NRXN1: variants seen among roughly 807,000 people sequenced by gnomAD.
NRXN1 encodes the protein neurexin 1.
Under a neutral mutation model 150.9 loss-of-function variants are expected in NRXN1, and 39 were observed. That is an observed-to-expected ratio of 0.26 (90% CI 0.20 to 0.34). NRXN1 has a LOEUF of 0.34. Ranked by LOEUF, NRXN1 falls within the 10% of genes least tolerant of loss-of-function variation. NRXN1 has a pLI of 1.00. For missense variants in NRXN1, 1,815 were observed against 1,949.9 expected (o/e 0.93, Z 1.30); for synonymous variants, 924 against 757.0 (o/e 1.22, Z -3.62).
Position 50,123,922 on chromosome 2 carries a change from A to G in NRXN1, c.3547-32428T>C, listed in dbSNP as rs373378702. 1.2e-4 allele frequency among the ~76,000 whole-genome samples: 19 copies of G among 152,266 alleles called. No individual in the cohort carries two copies. The South Asian group carries it at 3.5e-3, about 28-fold the overall frequency. On this transcript the variant is annotated intron_variant, in intron 18 of 22. Coordinates refer to ENST00000401669, the MANE Select transcript of NRXN1 (RefSeq NM_001330078.2). ...AATTTGTATAAAATCAGGTAATAAA[A>G]AGGGGATGTGAGTTTAGAATATAAA...
At chr2:49,995,699 T>C (rs1033499449) in intron 21 of NRXN1, among the ~76,000 whole-genome samples, 5 of 133,934 alleles carry the variant, frequency 3.7e-5, no homozygotes, top group Admixed American at 2.6e-4. Flanking sequence ...GAGAATGGCG[T>C]AAACCTGGGA....
chr2:50,171,352 AT>A (rs549421158), intron 18 of NRXN1, among the ~76,000 whole-genome samples: 276 of 152,190 alleles, frequency 1.8e-3, no homozygotes, highest in African/African-American at 6.5e-3. Flanking sequence ...AAATATTCAT[AT>A]TTTCTATTCT....
At chr2:50,664,905 A>G (rs899196651) in intron 5 of NRXN1, among the ~76,000 whole-genome samples, 1 of 152,040 alleles carries the variant, frequency 6.6e-6, no homozygotes, top group Non-Finnish European at 1.5e-5. Flanking sequence ...GCATAGAGAT[A>G]TTTATCCTTC....
chr2:50,361,183 C>T (rs1024992953), intron 17 of NRXN1, among the ~76,000 whole-genome samples: 3 of 151,970 alleles, frequency 2.0e-5, no homozygotes, highest in Admixed American at 6.6e-5. Flanking sequence ...AATCAACACC[C>T]TAACATCACA....
intron 5 of NRXN1, among the ~76,000 whole-genome samples, chr2:50,908,870 G>C (rs368144851): frequency 1.3e-3 from 198 of 152,128 alleles, no homozygotes; most frequent in African/African-American, 4.5e-3. Flanking sequence ...CTCTCACCAT[G>C]TGATGCCCTC....
intron 2 of NRXN1, among the ~76,000 whole-genome samples, chr2:51,001,319 T>A (rs1285010196): frequency 6.6e-6 from 1 of 151,072 alleles, no homozygotes; most frequent in African/African-American, 2.4e-5. Flanking sequence ...TAAGCAAGAG[T>A]TCAAAAGCAA....
intron 17 of NRXN1, among the ~76,000 whole-genome samples, chr2:50,262,720 C>T (rs1158964563): frequency 6.6e-6 from 1 of 151,954 alleles, no homozygotes; most frequent in East Asian, 1.9e-4. Flanking sequence ...AAAGTCAAAG[C>T]ATATTCTCTA....
chr2:50,361,508 T>C (rs1324558207), intron 17 of NRXN1, among the ~76,000 whole-genome samples: 4 of 151,868 alleles, frequency 2.6e-5, no homozygotes, highest in African/African-American at 9.7e-5. Flanking sequence ...AACTAGAAAA[T>C]CTAGAAGAAA....
chr2:50,445,764 G>A (rs932506736), intron 17 of NRXN1, among the ~76,000 whole-genome samples: 1 of 152,104 alleles, frequency 6.6e-6, no homozygotes, highest in Non-Finnish European at 1.5e-5. Flanking sequence ...CGGTATGACA[G>A]AAAAATAGGG....
rs576327964 is a variant in NRXN1, at chr2:50,293,206, C to T, written c.3365-56236G>A. ...GTCCTGCATAGAACTCGTCTCAGCC[C>T]CTGCTTGACATCTGACTGCTCGCTC... On this transcript the variant is annotated intron_variant, in intron 17 of 22. Transcript: ENST00000401669. Among the ~76,000 whole-genome samples the T allele has an allele frequency of 1.4e-4, 22 of 152,194 alleles. No individual in the cohort carries two copies. The South Asian group carries it at 4.6e-3, about 32-fold the overall frequency.
chr2:50,830,720 T>C (rs904482279), intron 5 of NRXN1, among the ~76,000 whole-genome samples: 5 of 149,786 alleles, frequency 3.3e-5, no homozygotes, highest in African/African-American at 9.9e-5. Context: ...TCTCCTCCCA[T>C]ACTAGATTCC....
At chr2:51,002,918 T>C (rs1433226477) in intron 2 of NRXN1, among the ~76,000 whole-genome samples, 3 of 151,940 alleles carry the variant, frequency 2.0e-5, no homozygotes, top group Non-Finnish European at 2.9e-5. Context: ...ATTAAGTAAT[T>C]TAAACATTTT....
intron 17 of NRXN1, among the ~76,000 whole-genome samples, chr2:50,280,144 G>A (rs2071221763): frequency 6.6e-6 from 1 of 151,898 alleles, no homozygotes; most frequent in Non-Finnish European, 1.5e-5. Flanking sequence ...AGGGCGTGGT[G>A]GCGGGCGCCT....
intron 9 of NRXN1, among the ~76,000 whole-genome samples, chr2:50,551,079 AG>A (rs1558922557): frequency 8.1e-4 from 93 of 114,508 alleles, no homozygotes; most frequent in East Asian, 2.1e-3. Context: ...GAAGAAGAGG[AG>A]GAGGAGGAGG....
At chr2:50,453,874 A>C (rs1420607552) in intron 17 of NRXN1, among the ~76,000 whole-genome samples, 1 of 152,214 alleles carries the variant, frequency 6.6e-6, no homozygotes, top group Non-Finnish European at 1.5e-5. Flanking sequence ...AGAGTGTCAA[A>C]TCTTAAAGCT....
intron 5 of NRXN1, among the ~76,000 whole-genome samples, chr2:50,824,794 C>A (rs996196056): frequency 2.0e-5 from 3 of 152,064 alleles, no homozygotes; most frequent in Admixed American, 6.5e-5. Context: ...CTAGCAAGCA[C>A]CACAACCTCA....
chr2:50,782,495 A>G lies in NRXN1; in HGVS notation c.832+139374T>C, dbSNP rs553529738. On this transcript the variant is annotated intron_variant, in intron 5 of 22. Coordinates refer to ENST00000401669, the MANE Select transcript of NRXN1 (RefSeq NM_001330078.2). ...AACAAACAAACAAACAAACAGCAAA[A>G]GAAAAGGATGATGAATTCCTAAAGC... Among the ~76,000 whole-genome samples the G allele has an allele frequency of 5.9e-5, 9 of 152,240 alleles. No homozygotes were observed. The East Asian group carries it at 1.7e-3, about 29-fold the overall frequency.
chr2:50,289,041 C>T (rs1393699436), intron 17 of NRXN1, among the ~76,000 whole-genome samples: 2 of 151,996 alleles, frequency 1.3e-5, no homozygotes, highest in Admixed American at 1.3e-4. Context: ...CTTTTGATGA[C>T]CTAGTAGCAA....
In NRXN1 at chr2:50,053,283, T is replaced by G; in HGVS notation, c.4116A>C (p.Glu1372Asp). 1 of 1,613,848 alleles carries G rather than the reference T, an allele frequency of 6.2e-7. No individual in the cohort carries two copies. Among genetic ancestry groups the G allele is most frequent in the South Asian group, 1.1e-5 (1 of 91,074 alleles). ...TCCACAGGCTCACCTGGCTAATGGG[T>G]TCTTTTGTCGGGGGCTTTCCTCTTC... Reference protein sequence around the residue: ...TARRGKPPTKEPISQTTDDIL... With the variant: ...TARRGKPPTKDPISQTTDDIL... The change falls in exon 21 of 23, where the codon GAA becomes GAC. Residue 1372 changes from glutamate to aspartate, a missense_variant. Transcript: ENST00000401669.
Sources: gnomAD v4.1 joint callset for allele counts (sites outside exome capture counted in the v4.1 genomes callset) on GRCh38, gnomAD v4.1.1 for gene constraint, MANE v1.5 for transcripts, NCBI Gene and HGNC (gene_info 2026-07-23, HGNC 2026-07-21) for gene names.